The following SOX5 variants were observed in gnomAD, a reference collection of about 807,000 sequenced individuals.
The protein encoded by SOX5 is SRY-box transcription factor 5.
In SOX5, 9 loss-of-function variants were observed where a neutral mutation model predicts 92.0. That is an observed-to-expected ratio of 0.10 (90% CI 0.06 to 0.17). The LOEUF is 0.17. SOX5 is among the 10% of genes least tolerant of loss of function. The pLI, the probability that SOX5 is intolerant of heterozygous loss-of-function variation, is 1.00. For synonymous variants in SOX5, 344 were observed against 336.3 expected (o/e 1.02, Z -0.25); for missense variants, 642 against 944.5 (o/e 0.68, Z 4.20).
At chr12:23,626,969 G>A (rs569989646) in intron 8 of SOX5, among the ~76,000 whole-genome samples, 70 of 152,210 alleles carry the variant, frequency 4.6e-4, no homozygotes, top group African/African-American at 1.5e-3. Context: ...GCATAAATGC[G>A]TTAATTCACT....
intron 4 of SOX5, among the ~76,000 whole-genome samples, chr12:23,975,328 T>C (rs1948781742): frequency 6.6e-6 from 1 of 152,020 alleles, no homozygotes. Context: ...ATTTGATATA[T>C]AATATGATAT....
At chr12:24,248,325 T>C (rs1349811648) in intron 3 of SOX5, among the ~76,000 whole-genome samples, 1 of 152,166 alleles carries the variant, frequency 6.6e-6, no homozygotes, top group Non-Finnish European at 1.5e-5. Context: ...GGAAGCAGAT[T>C]ATAGTCTTCA....
chr12:24,452,363 C>A (rs2137347770), intron 1 of SOX5, among the ~76,000 whole-genome samples: 1 of 152,270 alleles, frequency 6.6e-6, no homozygotes, highest in Non-Finnish European at 1.5e-5. Flanking sequence ...TGTGCACCTC[C>A]TTCCTCCACT....
At chr12:23,630,694 G>T (rs2078423247) in intron 8 of SOX5, among the ~76,000 whole-genome samples, 1 of 151,852 alleles carries the variant, frequency 6.6e-6, no homozygotes, top group African/African-American at 2.4e-5. Context: ...ACAATAAGAG[G>T]TCATTTATAC....
intron 6 of SOX5, 105 bp downstream of exon 6, chr12:23,734,579 G>T: frequency 1.2e-6 from 1 of 843,778 alleles, no homozygotes; most frequent in Non-Finnish European, 1.8e-6. Context: ...GAATTAGCTT[G>T]AAAGTCATTT....
At chr12:24,484,042 C>T (rs76646385) in intron 1 of SOX5, among the ~76,000 whole-genome samples, 487 of 152,204 alleles carry the variant, frequency 3.2e-3, no homozygotes, top group African/African-American at 0.011. Flanking sequence ...AAATTTGCAA[C>T]GTTTATATTA....
At chr12:23,950,797 A>G (rs1001498915), upstream of SOX5, 145 of 1,395,622 alleles carry the variant, frequency 1.0e-4, no homozygotes, top group Non-Finnish European at 1.3e-4. Context: ...GGCAGCCGAG[A>G]AAGGTAATCA....
chr12:24,174,817 T>C (rs1593928661), intron 4 of SOX5, among the ~76,000 whole-genome samples: 1 of 149,668 alleles, frequency 6.7e-6, no homozygotes, highest in South Asian at 2.1e-4. Flanking sequence ...TGAACTTCCA[T>C]CTCAAAAAAA....
intron 1 of SOX5, among the ~76,000 whole-genome samples, chr12:24,432,231 G>A (rs1331932669): frequency 6.6e-6 from 1 of 152,114 alleles, no homozygotes; most frequent in Non-Finnish European, 1.5e-5. Flanking sequence ...CTTTACTGGT[G>A]CTGTAAGTCT....
intron 9 of SOX5, among the ~76,000 whole-genome samples, chr12:23,590,870 TG>T (rs942940517): frequency 2.0e-5 from 3 of 152,038 alleles, no homozygotes; most frequent in Admixed American, 6.6e-5. Context: ...TAATGTCTCT[TG>T]CTTGGAACAG....
chr12:23,944,455 T>C (rs960258058), intron 1 of SOX5: 1 of 152,040 alleles, frequency 6.6e-6, no homozygotes, highest in African/African-American at 2.4e-5. Flanking sequence ...AAGAAAAGAA[T>C]AGACAACACT....
intron 4 of SOX5, among the ~76,000 whole-genome samples, chr12:24,150,708 G>A (rs2138823585): frequency 6.6e-6 from 1 of 152,088 alleles, no homozygotes; most frequent in East Asian, 1.9e-4. Flanking sequence ...AGCCAATAGA[G>A]GTAAAAATTG....
intron 1 of SOX5, among the ~76,000 whole-genome samples, chr12:24,521,334 C>T (rs796998115): frequency 2.6e-5 from 4 of 152,248 alleles, no homozygotes; most frequent in African/African-American, 4.8e-5. Context: ...GGATTACAGG[C>T]GTGAGCCACC....
chr12:24,495,824 G>A (rs757037663), intron 1 of SOX5, among the ~76,000 whole-genome samples: 4 of 152,146 alleles, frequency 2.6e-5, no homozygotes, highest in Non-Finnish European at 2.9e-5. Context: ...GGTGTGGTAC[G>A]CAAGGAATGC....
chr12:24,008,643 A>G (rs1231853920), intron 4 of SOX5, among the ~76,000 whole-genome samples: 1 of 152,192 alleles, frequency 6.6e-6, no homozygotes, highest in Non-Finnish European at 1.5e-5. Context: ...TCTTTTGGAA[A>G]ATATATCATT....
At chr12:23,720,319 T>C (rs972194583) in intron 6 of SOX5, among the ~76,000 whole-genome samples, 1 of 152,202 alleles carries the variant, frequency 6.6e-6, no homozygotes, top group African/African-American at 2.4e-5. Flanking sequence ...ATCAATTGTA[T>C]AATGGGAAAA....
chr12:24,198,405 T>C (rs1484513618), intron 4 of SOX5, among the ~76,000 whole-genome samples: 3 of 152,238 alleles, frequency 2.0e-5, no homozygotes, highest in Non-Finnish European at 2.9e-5. Context: ...TATTTCGAGT[T>C]GTTTATCTGG....
At chr12:24,260,226 C>G (rs7311725) in intron 3 of SOX5, among the ~76,000 whole-genome samples, 22,799 of 152,052 alleles carry the variant, frequency 0.15, 2,179 homozygotes, top group South Asian at 0.23. Context: ...TTCACTGATT[C>G]GCTGACGAGG....
upstream of SOX5, among the ~76,000 whole-genome samples, chr12:23,955,336 T>C (rs184823462): frequency 2.6e-4 from 40 of 152,278 alleles, no homozygotes; most frequent in African/African-American, 9.6e-4. Flanking sequence ...CAGAGAAGAA[T>C]AGTATTCTTA....
Sources: gnomAD v4.1 joint callset for allele counts (sites outside exome capture counted in the v4.1 genomes callset) on GRCh38, gnomAD v4.1.1 for gene constraint, MANE v1.5 for transcripts, NCBI Gene and HGNC (gene_info 2026-07-23, HGNC 2026-07-21) for gene names.